APBB1IP: variants seen among roughly 807,000 people sequenced by gnomAD.
APBB1IP encodes amyloid beta A4 precursor protein-binding family B member 1-interacting protein.
APBB1IP carries 27 observed loss-of-function variants against 64.9 expected under a neutral mutation model. The ratio of observed to expected loss-of-function variants is 0.42; its 90% confidence interval spans 0.31 to 0.57. The LOEUF is 0.57. APBB1IP is among the 20% of genes least tolerant of loss of function. The probability of loss-of-function intolerance (pLI) is 0.20; values close to 1 mark genes in which losing one functional copy is unlikely to be tolerated. For synonymous variants in APBB1IP, 392 were observed against 331.0 expected, an observed-to-expected ratio of 1.18 and a Z score of -2.00; for missense variants, 812 against 845.5, an observed-to-expected ratio of 0.96 and a Z score of 0.49.
At chr10:26,515,035 C>CT (rs1217628646) in intron 8 of APBB1IP, among the ~76,000 whole-genome samples, 3 of 88,972 alleles carry the variant, frequency 3.4e-5, no homozygotes, top group African/African-American at 1.5e-4. Context: ...CCACCCCCGG[C>CT]TAATTTTTTT....
At chr10:26,542,754 A>G (rs570577512) in intron 11 of APBB1IP, among the ~76,000 whole-genome samples, 2 of 142,486 alleles carry the variant, frequency 1.4e-5, no homozygotes, top group African/African-American at 5.1e-5. Flanking sequence ...ACTTTCATTC[A>G]GATGTCCTAG....
chr10:26,567,393 AACCCAGGGC>A lies in APBB1IP; in HGVS notation c.1911_1919del (p.His639_Gly641del). 1 of 1,594,034 alleles carries A rather than the reference AACCCAGGGC, an allele frequency of 6.3e-7. No individual in the cohort carries two copies. The highest frequency in any genetic ancestry group is 1.3e-5 in the African/African-American group (1 of 74,336). The stretch of plus-strand genomic sequence containing the variant: ...TCCTGTGCCCCCCAAGAGGCAAGAG[AACCCAGGGC>A]ACCCCGGCGGAGCAGGAGGCGGGGA... On this transcript the variant is annotated inframe_deletion, in exon 15 of 15. Coordinates refer to ENST00000376236, the MANE Select transcript of APBB1IP (RefSeq NM_019043.4).
chr10:26,554,538 G>A (rs1345517526), intron 11 of APBB1IP, among the ~76,000 whole-genome samples: 2 of 152,102 alleles, frequency 1.3e-5, no homozygotes, highest in Admixed American at 6.5e-5. Context: ...ATAAGAACGT[G>A]TCATTTTGGT....
At chr10:26,529,693 T>C (rs1836523683) in intron 8 of APBB1IP, among the ~76,000 whole-genome samples, 1 of 152,078 alleles carries the variant, frequency 6.6e-6, no homozygotes, top group Non-Finnish European at 1.5e-5. Flanking sequence ...CAAGCTGGAG[T>C]GCGGTGGGAT....
At chr10:26,530,585 G>A (rs1222284740) in intron 8 of APBB1IP, among the ~76,000 whole-genome samples, 1 of 151,928 alleles carries the variant, frequency 6.6e-6, no homozygotes, top group East Asian at 1.9e-4. Context: ...AGCTACTCGG[G>A]AGGCTGAGGC....
At chr10:26,461,768 T>C (rs961719635) in intron 2 of APBB1IP, among the ~76,000 whole-genome samples, 8 of 152,158 alleles carry the variant, frequency 5.3e-5, no homozygotes, top group African/African-American at 1.7e-4. Context: ...AGTTTTATTA[T>C]TTTTTCTATC....
At chr10:26,541,302 C>G (rs942474338) in intron 10 of APBB1IP, among the ~76,000 whole-genome samples, 4 of 152,126 alleles carry the variant, frequency 2.6e-5, no homozygotes, top group Non-Finnish European at 5.9e-5. Flanking sequence ...AAACATTTAT[C>G]ATTTCTTTGT....
chr10:26,516,845 G>C (rs1248839364), intron 8 of APBB1IP, among the ~76,000 whole-genome samples: 1 of 152,112 alleles, frequency 6.6e-6, no homozygotes, highest in South Asian at 2.1e-4. Flanking sequence ...GGGGTCCCGC[G>C]TTTTTATTTT....
chr10:26,453,962 A>C lies in APBB1IP; in HGVS notation c.-1+15109A>C, dbSNP rs180900769. ...TTCACAAGATTTGGAAACAACCCAA[A>C]TTCCATCAACAGGTGAATGGGTAAA... On this transcript the variant is annotated intron_variant, in intron 2 of 14. Transcript: ENST00000376236. Among the ~76,000 whole-genome samples, 5 of 152,356 alleles carry C rather than the reference A, an allele frequency of 3.3e-5. No individual in the cohort carries two copies. The East Asian group carries it at 9.6e-4, about 29-fold the overall frequency.
At chr10:26,552,414 A>G (rs1027985066) in intron 11 of APBB1IP, among the ~76,000 whole-genome samples, 1 of 152,194 alleles carries the variant, frequency 6.6e-6, no homozygotes, top group Middle Eastern at 3.4e-3. Context: ...CCTGGGCAAC[A>G]TAGGGAGACC....
intron 14 of APBB1IP, among the ~76,000 whole-genome samples, chr10:26,565,767 T>G (rs1837034993): frequency 6.6e-6 from 1 of 152,162 alleles, no homozygotes; most frequent in Non-Finnish European, 1.5e-5. Flanking sequence ...TTTTTCAGGC[T>G]AACTGGAGGA....
chr10:26,475,529 A>T (rs531877187), intron 2 of APBB1IP, among the ~76,000 whole-genome samples: 2 of 152,152 alleles, frequency 1.3e-5, no homozygotes, highest in East Asian at 3.9e-4. Flanking sequence ...AGGCCCTGAT[A>T]TGTTGTCTAT....
At chr10:26,444,375 T>C (rs1564345912) in intron 2 of APBB1IP, among the ~76,000 whole-genome samples, 2 of 152,262 alleles carry the variant, frequency 1.3e-5, no homozygotes, top group South Asian at 4.1e-4. Context: ...AGAAGGCGAA[T>C]AACATGATCT....
chr10:26,500,904 A>G lies in APBB1IP; in HGVS notation c.246A>G (p.Thr82=). 2 of 1,614,230 alleles carry G rather than the reference A, an allele frequency of 1.2e-6. No individual in the cohort carries two copies. Among genetic ancestry groups the G allele is most frequent in the Non-Finnish European group, 8.5e-7 (1 of 1,180,026 alleles). Residue 82 remains threonine, a synonymous_variant, in exon 5 of 15, where the codon ACA becomes ACG. Coordinates refer to ENST00000376236, the MANE Select transcript of APBB1IP (RefSeq NM_019043.4). ...ACATAAGTGAGGCTGAGCAGAGGAC[A>G]ATCCAGGCACAGAAAGAGTCCTTGC... The part of the protein sequence containing the change: ...VADISEAEQR[T]IQAQKESLQN...
chr10:26,476,446 C>CAAAAAAAAAAAAAAA (rs58548133), intron 2 of APBB1IP, among the ~76,000 whole-genome samples: 8 of 78,220 alleles, frequency 1.0e-4, no homozygotes, highest in African/African-American at 1.6e-4. Flanking sequence ...GACCCTGTCT[C>CAAAAAAAAAAAAAAA]AAAAAAAAAA....
At chr10:26,520,625 G>C (rs1418914005) in intron 8 of APBB1IP, among the ~76,000 whole-genome samples, 2 of 152,218 alleles carry the variant, frequency 1.3e-5, no homozygotes, top group Non-Finnish European at 2.9e-5. Flanking sequence ...AGAGACATTA[G>C]TGATATGCTT....
intron 11 of APBB1IP, among the ~76,000 whole-genome samples, chr10:26,549,331 A>T (rs2132475454): frequency 6.6e-6 from 1 of 152,310 alleles, no homozygotes; most frequent in Admixed American, 6.5e-5. Flanking sequence ...GGGATAATGT[A>T]GGCCTCATAG....
intron 11 of APBB1IP, among the ~76,000 whole-genome samples, chr10:26,559,055 GC>G (rs1836933026): frequency 6.6e-6 from 1 of 152,114 alleles, no homozygotes; most frequent in South Asian, 2.1e-4. Context: ...ATTTTTGGAA[GC>G]AGAAAAAACC....
At chr10:26,506,262 G>GA in intron 6 of APBB1IP, among the ~76,000 whole-genome samples, 1 of 122,756 alleles carries the variant, frequency 8.1e-6, no homozygotes, top group South Asian at 3.2e-4. Context: ...GGGGGGGGGG[G>GA]TGGGGGGCAA....
Sources: gnomAD v4.1 joint callset for allele counts (sites outside exome capture counted in the v4.1 genomes callset) on GRCh38, gnomAD v4.1.1 for gene constraint, MANE v1.5 for transcripts, NCBI Gene and HGNC (gene_info 2026-07-23, HGNC 2026-07-21) for gene names.